Variants in PHYHIPL observed in about 807,000 individuals in gnomAD.
PHYHIPL encodes phytanoyl-CoA 2-hydroxylase interacting protein like.
In PHYHIPL, 9 loss-of-function variants were observed where a neutral mutation model predicts 33.4. The observed-to-expected ratio is 0.27, with a 90% CI of 0.16 to 0.47. PHYHIPL has a LOEUF of 0.47. Among genes scored for constraint, PHYHIPL ranks in the 20% least tolerant of loss-of-function variants. The probability of loss-of-function intolerance (pLI) is 0.99; values close to 1 mark genes in which losing one functional copy is unlikely to be tolerated. For missense variants in PHYHIPL, 365 were observed against 460.7 expected, an observed-to-expected ratio of 0.79 and a Z score of 1.90; for synonymous variants, 153 against 154.1, an observed-to-expected ratio of 0.99 and a Z score of 0.05.
intron 1 of PHYHIPL, among the ~76,000 whole-genome samples, chr10:59,228,937 T>G (rs1327003492): frequency 6.6e-6 from 1 of 152,154 alleles, no homozygotes; most frequent in Admixed American, 6.6e-5. Flanking sequence ...AATTATTCAT[T>G]GTTTTCAAGG....
intron 1 of PHYHIPL, among the ~76,000 whole-genome samples, chr10:59,190,874 GA>G (rs1189741118): frequency 4.0e-5 from 6 of 151,822 alleles, no homozygotes; most frequent in Non-Finnish European, 8.9e-5. Flanking sequence ...AATTAGCTCA[GA>G]AAAAAATCCC....
rs745796909 is a variant in PHYHIPL at position 59,176,822 on chromosome 10, G to C, written c.-32G>C. 5.8e-5 allele frequency: 92 copies of C among 1,585,578 alleles called. No homozygotes were observed. The highest frequency in any genetic ancestry group is 1.7e-4 in the Middle Eastern group (1 of 5,994). ...CGGCCGGCAGAGAGAGCCTGGATAC[G>C]AAGCAGGCGGGCTTCAGAGTGGGTT... On this transcript the variant is annotated 5_prime_UTR_variant, in exon 1 of 5. Transcript: ENST00000373880.
At chr10:59,211,740 G>C (rs1753519280) in intron 1 of PHYHIPL, among the ~76,000 whole-genome samples, 1 of 148,570 alleles carries the variant, frequency 6.7e-6, no homozygotes, top group Non-Finnish European at 1.5e-5. Context: ...AAATTTAGCT[G>C]CCTTACAGCA....
rs752259397 is a variant in PHYHIPL, at chr10:59,234,383, G to T, written c.186G>T (p.Thr62=). ...ATAACATCAAAATAAGCAATATAAC[G>T]TGTGACTCATTCAAGATTTCATGGG... ...VPHNIKISNI[T]CDSFKISWEM... Residue 62 remains threonine (T), a synonymous_variant, in exon 2 of 5, where the codon ACG becomes ACT. Transcript: ENST00000373880. 2.5e-6 allele frequency: 4 copies of T among 1,603,218 alleles called. No individual in the cohort carries two copies. The highest frequency in any genetic ancestry group is 3.4e-6 in the Non-Finnish European group (4 of 1,176,076).
chr10:59,219,623 T>C (rs898334613), intron 1 of PHYHIPL, among the ~76,000 whole-genome samples: 1 of 152,186 alleles, frequency 6.6e-6, no homozygotes, highest in Non-Finnish European at 1.5e-5. Context: ...ATAATTGATG[T>C]TATTTTATTT....
chr10:59,238,956 C>T lies in PHYHIPL; in HGVS notation c.596+251C>T, dbSNP rs533679032. ...CCCATTTGACTAGAGGATCTTAAACCTGTGGTATTTAGATCGATGAGCATT... is the reference window on the plus strand; with the variant it reads ...CCCATTTGACTAGAGGATCTTAAACTTGTGGTATTTAGATCGATGAGCATT... On this transcript the variant is annotated intron_variant, in intron 4 of 4. Coordinates refer to ENST00000373880, the MANE Select transcript of PHYHIPL (RefSeq NM_032439.4). 5.1e-4 allele frequency among the ~76,000 whole-genome samples: 77 copies of T among 151,860 alleles called. No individual in the cohort carries two copies. In the Middle Eastern group the frequency reaches 0.01, roughly 20 times the overall value.
At chr10:59,213,616 A>G (rs2436570) in intron 1 of PHYHIPL, among the ~76,000 whole-genome samples, 150,559 of 152,248 alleles carry the variant, frequency 0.99, 74,464 homozygotes, top group Middle Eastern at 1. Flanking sequence ...TATAATCAGG[A>G]ACATGAGCTC....
At chr10:59,202,104 A>G (rs1338969436) in intron 1 of PHYHIPL, among the ~76,000 whole-genome samples, 2 of 152,154 alleles carry the variant, frequency 1.3e-5, no homozygotes, top group Non-Finnish European at 2.9e-5. Context: ...AAGGCTTAGT[A>G]GTGACTGGGG....
intron 3 of PHYHIPL, among the ~76,000 whole-genome samples, chr10:59,236,997 CCTTT>C (rs1840245866): frequency 7.3e-6 from 1 of 137,312 alleles, no homozygotes; most frequent in African/African-American, 3.1e-5. Flanking sequence ...GCTTTTTTCT[CCTTT>C]TTTTTTTTTT....
At chr10:59,221,990 A>G (rs1162087372) in intron 1 of PHYHIPL, among the ~76,000 whole-genome samples, 1 of 152,094 alleles carries the variant, frequency 6.6e-6, no homozygotes, top group Non-Finnish European at 1.5e-5. Context: ...TAACCCTTGG[A>G]GTAATGAGAA....
chr10:59,206,489 C>T (rs748349514), intron 1 of PHYHIPL, among the ~76,000 whole-genome samples: 29 of 152,234 alleles, frequency 1.9e-4, no homozygotes, highest in Middle Eastern at 3.4e-3. Context: ...TGTAACCCAA[C>T]GTAGTCTAAC....
intron 1 of PHYHIPL, chr10:59,183,598 A>G (rs1838474574): frequency 1.0e-6 from 1 of 956,654 alleles, no homozygotes; most frequent in Non-Finnish European, 1.2e-6. Context: ...TTTAAACAAC[A>G]AAGATGAAAT....
intron 1 of PHYHIPL, among the ~76,000 whole-genome samples, chr10:59,216,628 C>A (rs1839621579): frequency 6.6e-6 from 1 of 152,022 alleles, no homozygotes; most frequent in Non-Finnish European, 1.5e-5. Context: ...CAGAGGAGAG[C>A]TGGAAAGTAT....
chr10:59,239,343 C>T (rs369354598), intron 4 of PHYHIPL, among the ~76,000 whole-genome samples: 61 of 152,038 alleles, frequency 4.0e-4, no homozygotes, highest in Admixed American at 9.8e-4. Context: ...AGCTTGTGCA[C>T]GGAAACTCCC....
upstream of PHYHIPL, among the ~76,000 whole-genome samples, chr10:59,174,281 G>C (rs913043943): frequency 6.6e-6 from 1 of 152,016 alleles, no homozygotes; most frequent in Non-Finnish European, 1.5e-5. Flanking sequence ...AAGAGAATAG[G>C]ATTTTCTTCT....
Position 59,247,384 on chromosome 10 carries a change from A to T in PHYHIPL, c.*1793A>T. On this transcript the variant is annotated 3_prime_UTR_variant, in exon 5 of 5. Transcript: ENST00000373880. Reference sequence around the variant, plus strand: ...ACTATGAGTTTTCTGCTTGGCATGGAGGACACTGAATTTTTTCCCAATTAT... The same window carrying T: ...ACTATGAGTTTTCTGCTTGGCATGGTGGACACTGAATTTTTTCCCAATTAT... 1 of 511,296 alleles carries T rather than the reference A, an allele frequency of 2.0e-6. No individual in the cohort carries two copies. Among genetic ancestry groups the T allele is most frequent in the East Asian group, 3.6e-5 (1 of 27,558 alleles). 31.7% of individuals were successfully genotyped at this position (511,296 alleles called of 1,614,324 possible). A position where few individuals can be genotyped will look rare whatever the true frequency, so the allele number is the denominator to read the frequency against.
intron 1 of PHYHIPL, among the ~76,000 whole-genome samples, chr10:59,182,827 G>A (rs948557873): frequency 6.6e-6 from 1 of 152,124 alleles, no homozygotes; most frequent in Non-Finnish European, 1.5e-5. Context: ...AATTCATGAT[G>A]ATTGAAATTT....
intron 1 of PHYHIPL, among the ~76,000 whole-genome samples, chr10:59,180,340 A>AGAAAAAG (rs1564698936): frequency 2.5e-5 from 2 of 78,852 alleles, no homozygotes; most frequent in Admixed American, 1.8e-4. Flanking sequence ...ATATATATAT[A>AGAAAAAG]TATATATATA....
intron 1 of PHYHIPL, among the ~76,000 whole-genome samples, chr10:59,233,211 G>A (rs1840128772): frequency 6.6e-6 from 1 of 151,850 alleles, no homozygotes; most frequent in Non-Finnish European, 1.5e-5. Context: ...GAGACAACAT[G>A]GGTCAAAGAT....
Sources: gnomAD v4.1 joint callset for allele counts (sites outside exome capture counted in the v4.1 genomes callset) on GRCh38, gnomAD v4.1.1 for gene constraint, MANE v1.5 for transcripts, NCBI Gene and HGNC (gene_info 2026-07-23, HGNC 2026-07-21) for gene names.